CA10: variants seen among roughly 807,000 people sequenced by gnomAD.
The protein encoded by CA10 is carbonic anhydrase-related protein 10.
A neutral mutation model predicts 44.2 loss-of-function variants in CA10; 14 were observed. The observed-to-expected ratio is 0.32, with a 90% confidence interval of 0.21 to 0.50. The LOEUF is 0.50. CA10 is among the 20% of genes least tolerant of loss of function. The probability of loss-of-function intolerance (pLI) is 0.99; values close to 1 mark genes in which losing one functional copy is unlikely to be tolerated. For missense variants in CA10, 350 were observed against 409.7 expected (o/e 0.85, Z 1.26); for synonymous variants, 159 against 141.6 (o/e 1.12, Z -0.87).
At chr17:51,989,153 C>CTT (rs558333341) in intron 2 of CA10, among the ~76,000 whole-genome samples, 2,923 of 135,128 alleles carry the variant, frequency 0.022, 40 homozygotes, top group African/African-American at 0.048. Context: ...ATCTCTGTTT[C>CTT]TTTTTTTTTT....
chr17:51,886,657 T>G (rs1980614457), intron 3 of CA10, among the ~76,000 whole-genome samples: 1 of 152,214 alleles, frequency 6.6e-6, no homozygotes, highest in African/African-American at 2.4e-5. Flanking sequence ...AAAACATTAT[T>G]TTTGGGTGTC....
intron 3 of CA10, among the ~76,000 whole-genome samples, chr17:51,873,133 G>GT (rs903846762): frequency 4.0e-5 from 6 of 151,896 alleles, no homozygotes; most frequent in Non-Finnish European, 8.8e-5. Context: ...TCTCTGCATT[G>GT]TTTTTTTTCC....
chr17:51,869,472 C>T (rs1208482944), intron 3 of CA10, among the ~76,000 whole-genome samples: 1 of 152,154 alleles, frequency 6.6e-6, no homozygotes, highest in Non-Finnish European at 1.5e-5. Context: ...TATGGGATCA[C>T]CAGGAAACAA....
At chr17:52,025,891 T>C (rs1224524910) in intron 2 of CA10, among the ~76,000 whole-genome samples, 1 of 152,044 alleles carries the variant, frequency 6.6e-6, no homozygotes, top group Non-Finnish European at 1.5e-5. Context: ...GAAATAAACT[T>C]GTCCAGGATG....
chr17:51,969,044 A>G lies in CA10; in HGVS notation c.137-37912T>C, dbSNP rs1268397397. 5.9e-5 allele frequency among the ~76,000 whole-genome samples: 9 copies of G among 152,052 alleles called. No individual in the cohort carries two copies. The East Asian group carries it at 1.7e-3, about 29-fold the overall frequency. On this transcript the variant is annotated intron_variant, in intron 2 of 8. Coordinates refer to ENST00000451037, the MANE Select transcript of CA10 (RefSeq NM_020178.5). The stretch of plus-strand genomic sequence containing the variant: ...AGCATGGATTTTTTTCTCTCCACCG[A>G]GCTTTGATAAGAAAGAAAACAAAAG...
rs567487164 is a variant in CA10 at position 51,751,658 on chromosome 17, A to G, written c.280-3840T>C. ...AATATAATGTTGCTTGCTAAATGTCATAATGAAGAACTGGAGCTAACTTCT... is the reference window on the plus strand; with the variant it reads ...AATATAATGTTGCTTGCTAAATGTCGTAATGAAGAACTGGAGCTAACTTCT... On this transcript the variant is annotated intron_variant, in intron 3 of 8. Transcript: ENST00000451037. Among the ~76,000 whole-genome samples the G allele has an allele frequency of 3.3e-5, 5 of 152,322 alleles. No homozygotes were observed. In the South Asian group the frequency reaches 1.0e-3, roughly 32 times the overall value.
At chr17:51,682,781 G>A (rs966539385) in intron 4 of CA10, among the ~76,000 whole-genome samples, 2 of 144,110 alleles carry the variant, frequency 1.4e-5, no homozygotes, top group Non-Finnish European at 3.1e-5. Context: ...GACGGAACAC[G>A]CCCTGATAAA....
chr17:52,025,172 T>A (rs192943618), intron 2 of CA10, among the ~76,000 whole-genome samples: 1 of 152,236 alleles, frequency 6.6e-6, no homozygotes, highest in Non-Finnish European at 1.5e-5. Flanking sequence ...TTACTGCTTT[T>A]AAATATGTTT....
intron 1 of CA10, among the ~76,000 whole-genome samples, chr17:52,123,371 G>GGTGTGTGTGTGTGTGTGTGTGT (rs34184028): frequency 2.7e-5 from 4 of 146,340 alleles, no homozygotes; most frequent in African/African-American, 7.7e-5. Flanking sequence ...ATATATATGG[G>GGTGTGTGTGTGTGTGTGTGTGT]GTGTGTGTGT....
At chr17:51,874,820 T>G (rs2143868977) in intron 3 of CA10, among the ~76,000 whole-genome samples, 1 of 152,278 alleles carries the variant, frequency 6.6e-6, no homozygotes, top group African/African-American at 2.4e-5. Flanking sequence ...ATATAGAGTG[T>G]CTGTTTTACC....
chr17:51,835,993 G>A (rs1036254796), intron 3 of CA10, among the ~76,000 whole-genome samples: 8 of 152,126 alleles, frequency 5.3e-5, no homozygotes, highest in Admixed American at 2.6e-4. Context: ...TGATAATGGT[G>A]TTGATGATGA....
intron 2 of CA10, among the ~76,000 whole-genome samples, chr17:52,059,335 G>C (rs939361365): frequency 3.9e-5 from 6 of 152,100 alleles, no homozygotes; most frequent in African/African-American, 1.4e-4. Flanking sequence ...TGATTCTATA[G>C]GTGAGGAAAA....
chr17:51,645,307 A>G (rs1268168488), intron 6 of CA10, among the ~76,000 whole-genome samples: 1 of 152,118 alleles, frequency 6.6e-6, no homozygotes, highest in East Asian at 1.9e-4. Context: ...AAATTCCTAG[A>G]TTGACTTTTT....
intron 2 of CA10, among the ~76,000 whole-genome samples, chr17:52,047,400 C>T (rs1342339950): frequency 6.6e-6 from 1 of 151,870 alleles, no homozygotes; most frequent in Non-Finnish European, 1.5e-5. Context: ...TGAAAACTCA[C>T]AAAATTGTAA....
At chr17:51,697,317 A>G (rs1225526207) in intron 4 of CA10, among the ~76,000 whole-genome samples, 1 of 152,182 alleles carries the variant, frequency 6.6e-6, no homozygotes, top group East Asian at 1.9e-4. Context: ...CCCCTACAGC[A>G]CATTTCTTTC....
rs1912560376 is a variant in CA10, at chr17:51,631,318, TTGTAAGAGTG to T, written c.*256_*265del. ...GAAACTTGACTTCCCATGATGGAGG[TTGTAAGAGTG>T]TGTGTGTGTGTAGGTATGTTTGCAT... is the stretch of plus-strand genomic sequence containing the variant. On this transcript the variant is annotated 3_prime_UTR_variant, in exon 9 of 9. Transcript: ENST00000451037. 2.2e-6 allele frequency: 1 copy of T among 445,028 alleles called. No individual in the cohort carries two copies. The highest frequency in any genetic ancestry group is 2.0e-5 in the African/African-American group (1 of 49,560). The allele number at this position is 445,028 out of a possible 1,614,324, so 27.6% of individuals were successfully genotyped here.
At chr17:51,695,078 GT>G (rs1915355512) in intron 4 of CA10, among the ~76,000 whole-genome samples, 1 of 152,156 alleles carries the variant, frequency 6.6e-6, no homozygotes, top group Admixed American at 6.5e-5. Flanking sequence ...ATAGTTTGAA[GT>G]TGGGTAATAT....
chr17:51,708,283 G>A (rs1249284096), intron 4 of CA10, among the ~76,000 whole-genome samples: 8 of 152,206 alleles, frequency 5.3e-5, no homozygotes, highest in Non-Finnish European at 7.3e-5. Context: ...GCATTGGCTT[G>A]CTGCTCTGAT....
In CA10 at chr17:51,851,416, G is replaced by T. The variant is rs149575703; in HGVS notation, c.279+79574C>A. 5.3e-5 allele frequency among the ~76,000 whole-genome samples: 8 copies of T among 152,278 alleles called. No homozygotes were observed. The East Asian group carries it at 1.4e-3, about 26-fold the overall frequency. ...CTCAGCTCTGCCATTCTCAAGCTGT[G>T]CCATCTTGCCTCAGTTTCCTCACCC... On this transcript the variant is annotated intron_variant, in intron 3 of 8. Transcript: ENST00000451037.
Sources: gnomAD v4.1 joint callset for allele counts (sites outside exome capture counted in the v4.1 genomes callset) on GRCh38, gnomAD v4.1.1 for gene constraint, MANE v1.5 for transcripts, NCBI Gene and HGNC (gene_info 2026-07-23, HGNC 2026-07-21) for gene names.